MICA: variants seen among roughly 807,000 people sequenced by gnomAD.
MICA encodes MHC class I polypeptide-related sequence A, also known as HLA class I antigen.
Under a neutral mutation model 34.3 loss-of-function variants are expected in MICA, and 18 were observed. That is an observed-to-expected ratio of 0.52 (90% CI 0.36 to 0.78). The LOEUF is 0.78. MICA is among the 30% of genes least tolerant of loss of function. MICA has a pLI of 0.00. For missense variants in MICA, 333 were observed against 409.4 expected, an observed-to-expected ratio of 0.81 and a Z score of 1.61; for synonymous variants, 135 against 156.9, an observed-to-expected ratio of 0.86 and a Z score of 1.04.
intron 1 of MICA, among the ~76,000 whole-genome samples, chr6:31,407,041 TTG>T (rs1389715963): frequency 6.6e-5 from 10 of 151,926 alleles, no homozygotes; most frequent in Non-Finnish European, 1.5e-4. Context: ...TCTGGTTTTT[TTG>T]TGGTTCCATA....
chr6:31,412,266 G>C, intron 4 of MICA, 41 bp downstream of exon 4: 1 of 1,605,756 alleles, frequency 6.2e-7, no homozygotes, highest in Non-Finnish European at 8.5e-7. Context: ...GGCCAGGGTA[G>C]GGACAGCAGG....
At chr6:31,404,785 A>T (rs71563329) in intron 1 of MICA, among the ~76,000 whole-genome samples, 1 of 151,554 alleles carries the variant, frequency 6.6e-6, no homozygotes, top group Non-Finnish European at 1.5e-5. Flanking sequence ...TCCAGTGCAG[A>T]TGCCTGCTCT....
upstream of MICA, chr6:31,400,925 C>A (rs114612357): frequency 0.027 from 4,137 of 151,860 alleles, 136 homozygotes; most frequent in Admixed American, 0.042. Context: ...AGAAACAAGT[C>A]CCCTGGAGCT....
intron 1 of MICA, among the ~76,000 whole-genome samples, chr6:31,405,938 C>G (rs958904321): frequency 2.6e-5 from 4 of 151,886 alleles, no homozygotes; most frequent in Non-Finnish European, 5.9e-5. Context: ...TTTATCCATG[C>G]GTCTGTTGAT....
chr6:31,412,654 A>T (rs1156513229), intron 5 of MICA, among the ~76,000 whole-genome samples, 194 bp downstream of exon 5: 3 of 151,864 alleles, frequency 2.0e-5, no homozygotes, highest in Admixed American at 6.6e-5. Context: ...CAAGGGTCAA[A>T]CGCCCAGCTG....
rs1456910398 is a variant in MICA at position 31,410,565 on chromosome 6, C to A, written c.93C>A (p.Asn31Lys). 1 of 1,613,132 alleles carries A rather than the reference C, an allele frequency of 6.2e-7. No individual in the cohort carries two copies. Among genetic ancestry groups the A allele is most frequent in the South Asian group, 1.1e-5 (1 of 91,046 alleles). The change falls in exon 2 of 6, where the codon AAC (asparagine) becomes AAA (lysine). Residue 31 changes from asparagine (N) to lysine (K), a missense_variant. Transcript: ENST00000449934. ...AAAEPHSLRY[N>K]LTVLSWDGSV... ...CAGAGCCCCACAGTCTTCGTTATAA[C>A]CTCACGGTGCTGTCCTGGGATGGAT...
chr6:31,411,884 C>T lies in MICA; in HGVS notation c.614-63C>T. On this transcript the variant is annotated intron_variant, in intron 3 of 5. Transcript: ENST00000449934. The surrounding 1 kb of genome is among the most constrained non-coding windows in gnomAD (Gnocchi z 4.3). ...AGTGAGAACAGTGAAGAGAAACAGC[C>T]CTGTTCCTCTCCCCTCCTTAGAGGG... 6.4e-7 allele frequency: 1 copy of T among 1,560,086 alleles called. No individual in the cohort carries two copies. Among genetic ancestry groups the T allele is most frequent in the Admixed American group, 1.9e-5 (1 of 52,700 alleles).
In MICA at chr6:31,415,271, C is replaced by A. The variant is rs1314291096; in HGVS notation, c.*289C>A. On this transcript the variant is annotated 3_prime_UTR_variant, in exon 6 of 6. Coordinates refer to ENST00000449934, the MANE Select transcript of MICA (RefSeq NM_001177519.3). The stretch of plus-strand genomic sequence containing the variant: ...ACTTATTTATTGTTGTTGGAGGCTG[C>A]AAAATGTTAGTAGATATGAGGCATT... 4 of 529,594 alleles carry A rather than the reference C, an allele frequency of 7.6e-6. No homozygotes were observed. The highest frequency in any genetic ancestry group is 3.4e-6 in the Non-Finnish European group (1 of 291,904). The allele number at this position is 529,594 out of a possible 1,614,324, so 32.8% of individuals were successfully genotyped here. A position where few individuals can be genotyped will look rare whatever the true frequency, so the allele number is the denominator to read the frequency against.
Position 31,404,334 on chromosome 6 carries a change from T to C in MICA, c.70+632T>C, listed in dbSNP as rs376758967. 2.8e-3 allele frequency among the ~76,000 whole-genome samples: 429 copies of C among 151,694 alleles called. 14 individuals are homozygous for C. In the East Asian group the frequency reaches 0.05, roughly 18 times the overall value. On this transcript the variant is annotated intron_variant, in intron 1 of 5. Coordinates refer to ENST00000449934, the MANE Select transcript of MICA (RefSeq NM_001177519.3). ...CCCCAGCTCATTCTCCCCTCGCCTC[T>C]GGCTCCGAGGGTCCTCTCCTCTCTC...
At chr6:31,410,213 A>ACCTT (rs933835663) in intron 1 of MICA, among the ~76,000 whole-genome samples, 1 of 151,492 alleles carries the variant, frequency 6.6e-6, no homozygotes, top group Non-Finnish European at 1.5e-5. Context: ...CTCTGGCAAG[A>ACCTT]CCTTCCTTCC....
chr6:31,402,661 G>A (rs1770496751), upstream of MICA, among the ~76,000 whole-genome samples: 2 of 151,790 alleles, frequency 1.3e-5, no homozygotes, highest in African/African-American at 4.9e-5. Context: ...TTTGACTCCC[G>A]GAGATGATGG....
intron 1 of MICA, among the ~76,000 whole-genome samples, chr6:31,409,836 G>C (rs1350502240): frequency 6.6e-6 from 1 of 151,574 alleles, no homozygotes; most frequent in Non-Finnish European, 1.5e-5. Context: ...AACACCCCCT[G>C]CCCCCAGAAC....
chr6:31,409,436 G>A (rs1562242201), intron 1 of MICA, among the ~76,000 whole-genome samples: 1 of 151,740 alleles, frequency 6.6e-6, no homozygotes, highest in African/African-American at 2.4e-5. Flanking sequence ...ATCTTTTCAT[G>A]TGTTTGTTGA....
chr6:31,410,892 C>A, intron 2 of MICA, 95 bp downstream of exon 2: 1 of 1,489,920 alleles, frequency 6.7e-7, no homozygotes, highest in Non-Finnish European at 9.0e-7. Flanking sequence ...CTGGATCTGG[C>A]TCAGGCTGGG....
intron 1 of MICA, among the ~76,000 whole-genome samples, chr6:31,408,702 C>T (rs1430092865): frequency 6.6e-6 from 1 of 151,778 alleles, no homozygotes; most frequent in African/African-American, 2.4e-5. Flanking sequence ...GCTTATTTCA[C>T]TTATAATATT....
chr6:31,412,764 C>T (rs1187663768), intron 5 of MICA, among the ~76,000 whole-genome samples: 2 of 151,580 alleles, frequency 1.3e-5, no homozygotes, highest in Non-Finnish European at 2.9e-5. Context: ...CTCACTAGGG[C>T]GCATCCAGGT....
chr6:31,413,392 A>C (rs534113607), intron 5 of MICA, among the ~76,000 whole-genome samples: 1 of 151,920 alleles, frequency 6.6e-6, no homozygotes, highest in South Asian at 2.1e-4. Flanking sequence ...GCCCTCCCTG[A>C]GCCAATTTCC....
chr6:31,400,940 A>G (rs1477750384), upstream of MICA, among the ~76,000 whole-genome samples: 1 of 151,664 alleles, frequency 6.6e-6, no homozygotes, highest in Non-Finnish European at 1.5e-5. Context: ...GGAGCTCAAG[A>G]CCATCTCGGC....
rs75417713 is a variant in MICA, at chr6:31,412,428, G to T, written c.996G>T (p.Leu332Phe). Residue 332 changes from leucine to phenylalanine, a missense_variant, in exon 5 of 6, where the codon TTG (leucine) becomes TTT (phenylalanine). Leu to Phe is a conservative substitution (Grantham distance 22, BLOSUM62 0). Transcript: ENST00000449934. ...FCYYYFLCPL[L>F] ...ATTATTATTTTCTATGTCCGTTGTTGTAAGAAGAAAACATCAGCTGCAGAG... is the reference window on the plus strand; with the variant it reads ...ATTATTATTTTCTATGTCCGTTGTTTTAAGAAGAAAACATCAGCTGCAGAG... 1 of 1,571,912 alleles carries T rather than the reference G, an allele frequency of 6.4e-7. No homozygotes were observed. The highest frequency in any genetic ancestry group is 8.6e-7 in the Non-Finnish European group (1 of 1,158,408).
Sources: allele counts gnomAD v4.1 joint callset (sites outside exome capture counted in the v4.1 genomes callset), GRCh38; gene constraint gnomAD v4.1.1; non-coding constraint Gnocchi (gnomAD v3.1); transcripts MANE v1.5; gene names NCBI Gene and HGNC (gene_info 2026-07-23, HGNC 2026-07-21).